Variants in BOLL observed in about 807,000 individuals in gnomAD.
BOLL encodes boule RNA binding protein.
Under a neutral mutation model 44.4 loss-of-function variants are expected in BOLL, and 23 were observed. The observed-to-expected ratio is 0.52, with a 90% CI of 0.37 to 0.73. BOLL has a LOEUF of 0.73. Ranked by LOEUF, BOLL falls within the 30% of genes least tolerant of loss-of-function variation. The pLI, the probability that BOLL is intolerant of heterozygous loss-of-function variation, is 0.00. For missense variants in BOLL, 287 were observed against 338.3 expected (o/e 0.85, Z 1.19); for synonymous variants, 97 against 110.8 (o/e 0.88, Z 0.78).
In BOLL at chr2:197,728,550, T is replaced by C. The variant is rs142531588; in HGVS notation, c.*5A>G. ...GTTGAGCTGGAATAGAGCTGCCCAA[T>C]TGTCTTAATAATGAATGCTCCACAC... On this transcript the variant is annotated 3_prime_UTR_variant, in exon 11 of 11. Coordinates refer to ENST00000392296, the MANE Select transcript of BOLL (RefSeq NM_033030.6). 28 of 1,613,624 alleles carry C rather than the reference T, an allele frequency of 1.7e-5. No individual in the cohort carries two copies. Among genetic ancestry groups the C allele is most frequent in the Non-Finnish European group, 2.1e-5 (25 of 1,179,566 alleles).
rs1018212016 is a variant in BOLL at position 197,785,126 on chromosome 2, G to A, written c.-86C>T. The A allele has an allele frequency of 6.1e-6, 6 of 985,986 alleles. No homozygotes were observed. The African/African-American group carries it at 8.7e-5, about 14-fold the overall frequency. 61.1% of individuals were successfully genotyped at this position (985,986 alleles called of 1,614,324 possible). Reference sequence around the variant, plus strand: ...AGTTGCGGCACTGGGGGAAATGGCCGCGGCGACAACTTCCTCGAGTTCTCT... The same window carrying A: ...AGTTGCGGCACTGGGGGAAATGGCCACGGCGACAACTTCCTCGAGTTCTCT... On this transcript the variant is annotated 5_prime_UTR_variant, in exon 1 of 11. Coordinates refer to ENST00000392296, the MANE Select transcript of BOLL (RefSeq NM_033030.6). The surrounding 1 kb of genome is among the most constrained non-coding windows in gnomAD (Gnocchi z 6.7).
intron 10 of BOLL, among the ~76,000 whole-genome samples, chr2:197,731,844 T>C (rs2106309141): frequency 6.6e-6 from 1 of 151,218 alleles, no homozygotes; most frequent in Non-Finnish European, 1.5e-5. Flanking sequence ...TAGCACTAAA[T>C]GCCCACAAGA....
intron 9 of BOLL, among the ~76,000 whole-genome samples, chr2:197,753,778 A>G (rs1688376646): frequency 6.6e-6 from 1 of 152,242 alleles, no homozygotes; most frequent in Non-Finnish European, 1.5e-5. Flanking sequence ...CAGCAATCCC[A>G]TTACTGGGTA....
upstream of BOLL, chr2:197,786,110 C>T (rs751106178): frequency 1.2e-4 from 181 of 1,452,530 alleles, no homozygotes; most frequent in Admixed American, 1.9e-4. This position sits in a 1 kb window ranked among gnomAD's most constrained non-coding sequence, Gnocchi z 5.9. Context: ...GGGACTCTCG[C>T]CCCCTGGCGG....
At chr2:197,775,764 A>G (rs1046595505) in intron 4 of BOLL, 24 bp from the exon 5 acceptor site, 1 of 1,331,162 alleles carries the variant, frequency 7.5e-7, no homozygotes. Context: ...AAAAGAAATT[A>G]TTTTATTATT....
At chr2:197,760,273 GAGCAGTTGTGCACCT>G (rs530508112) in intron 7 of BOLL, among the ~76,000 whole-genome samples, 101 of 152,304 alleles carry the variant, frequency 6.6e-4, no homozygotes, top group African/African-American at 2.3e-3. Context: ...TAGGCCAGGT[GAGCAGTTGTGCACCT>G]GCATCCTGAG....
At chr2:197,785,499 C>T (rs1268895269), upstream of BOLL, 1 of 607,054 alleles carries the variant, frequency 1.6e-6, no homozygotes, top group Non-Finnish European at 2.1e-6. This position sits in a 1 kb window ranked among gnomAD's most constrained non-coding sequence, Gnocchi z 6.7. Flanking sequence ...CCCGCCTGGG[C>T]CACAGGCGGG....
intron 10 of BOLL, among the ~76,000 whole-genome samples, chr2:197,731,187 T>C (rs1462504873): frequency 3.3e-5 from 5 of 151,824 alleles, no homozygotes; most frequent in Non-Finnish European, 7.4e-5. Flanking sequence ...AAACAGACTT[T>C]AAACCAACAA....
In BOLL at chr2:197,757,525, AT is replaced by A. The variant is rs894471196; in HGVS notation, c.553-126del. On this transcript the variant is annotated intron_variant, in intron 7 of 10. Transcript: ENST00000392296. ...ATATACAAAAATTAACTCAAGCCAT[AT>A]ACAAAAATTAACTCAAAATGGACCA... 4.0e-5 allele frequency: 29 copies of A among 732,882 alleles called. No homozygotes were observed. The African/African-American group carries it at 5.1e-4, about 13-fold the overall frequency. 45.4% of individuals were successfully genotyped at this position (732,882 alleles called of 1,614,324 possible).
At chr2:197,776,780 T>C (rs72918813) in intron 4 of BOLL, among the ~76,000 whole-genome samples, 1,532 of 152,060 alleles carry the variant, frequency 0.01, 9 homozygotes, top group Non-Finnish European at 0.017. Context: ...TGTAGTGTTT[T>C]TTAAACATTC....
chr2:197,784,722 C>T (rs1689988249), intron 1 of BOLL: 31 of 987,298 alleles, frequency 3.1e-5, no homozygotes, highest in Non-Finnish European at 3.7e-5. Flanking sequence ...GCCATCGCGC[C>T]AGGCCTACAA....
chr2:197,740,483 T>C (rs1474006941), intron 10 of BOLL, among the ~76,000 whole-genome samples: 1 of 152,122 alleles, frequency 6.6e-6, no homozygotes, highest in Non-Finnish European at 1.5e-5. Context: ...ACATAGTAGA[T>C]AGTCAAAATA....
chr2:197,777,721 T>C (rs1558997605), intron 3 of BOLL, among the ~76,000 whole-genome samples: 1 of 151,662 alleles, frequency 6.6e-6, no homozygotes, highest in Non-Finnish European at 1.5e-5. Context: ...TACACATAAA[T>C]GATGTGCTCC....
chr2:197,729,113 TGCGTG>T (rs1687000288), intron 10 of BOLL, among the ~76,000 whole-genome samples: 1 of 152,076 alleles, frequency 6.6e-6, no homozygotes, highest in African/African-American at 2.4e-5. Flanking sequence ...GGTCAGTGGG[TGCGTG>T]CACCGTGCGC....
chr2:197,739,981 G>A (rs934504669), intron 10 of BOLL, among the ~76,000 whole-genome samples: 4 of 152,140 alleles, frequency 2.6e-5, no homozygotes, highest in African/African-American at 9.7e-5. Flanking sequence ...TGGAGTAAAT[G>A]TTAACGACAG....
At chr2:197,729,779 A>C (rs1373273306) in intron 10 of BOLL, among the ~76,000 whole-genome samples, 11 of 151,912 alleles carry the variant, frequency 7.2e-5, no homozygotes, top group Admixed American at 1.3e-4. Context: ...AAACTAACAA[A>C]CAGAAAGGAC....
intron 10 of BOLL, among the ~76,000 whole-genome samples, chr2:197,740,452 G>A (rs547735713): frequency 6.6e-6 from 1 of 152,026 alleles, no homozygotes; most frequent in Non-Finnish European, 1.5e-5. Flanking sequence ...TGTTCATAAG[G>A]GAATAGGAAG....
intron 9 of BOLL, among the ~76,000 whole-genome samples, chr2:197,755,348 G>A (rs1365904617): frequency 6.6e-6 from 1 of 152,194 alleles, no homozygotes; most frequent in Non-Finnish European, 1.5e-5. Context: ...ATTCCTCAAA[G>A]ACCTAGAGGC....
rs187169336 is a variant in BOLL at position 197,747,733 on chromosome 2, A to C, written c.730-4574T>G. ...TATTAAAAAAGTAATAAAACAATGT[A>C]CTTAAACTGGGAGGTAAATGCTAAT... On this transcript the variant is annotated intron_variant, in intron 9 of 10. Coordinates refer to ENST00000392296, the MANE Select transcript of BOLL (RefSeq NM_033030.6). 2.0e-5 allele frequency among the ~76,000 whole-genome samples: 3 copies of C among 152,298 alleles called. No homozygotes were observed. The East Asian group carries it at 5.8e-4, about 29-fold the overall frequency.
Sources: gnomAD v4.1 joint callset for allele counts (sites outside exome capture counted in the v4.1 genomes callset) on GRCh38, gnomAD v4.1.1 for gene constraint, Gnocchi (gnomAD v3.1) non-coding constraint, MANE v1.5 for transcripts, NCBI Gene and HGNC (gene_info 2026-07-23, HGNC 2026-07-21) for gene names.